DCC: variants seen among roughly 807,000 people sequenced by gnomAD.
The protein encoded by DCC is DCC netrin 1 receptor, also known as netrin receptor DCC.
Under a neutral mutation model 172.5 loss-of-function variants are expected in DCC, and 58 were observed. The observed-to-expected ratio is 0.34, with a 90% CI of 0.27 to 0.42. DCC has a LOEUF of 0.42. DCC is among the 10% of genes least tolerant of loss of function. The pLI is 1.00. For missense variants in DCC, 1,740 were observed against 1,791.0 expected (o/e 0.97, Z 0.51); for synonymous variants, 709 against 644.5 (o/e 1.10, Z -1.52).
intron 27 of DCC, among the ~76,000 whole-genome samples, chr18:53,512,069 A>G (rs1238585819): frequency 1.3e-5 from 2 of 152,152 alleles, no homozygotes; most frequent in African/African-American, 4.8e-5. Context: ...CCTGTCTGAC[A>G]GCTTTGAAGA....
intron 1 of DCC, among the ~76,000 whole-genome samples, chr18:52,630,439 G>A (rs1190696789): frequency 1.3e-5 from 2 of 152,166 alleles, no homozygotes; most frequent in Non-Finnish European, 2.9e-5. Context: ...CTGAGTGTCT[G>A]TTTCCTTATT....
chr18:52,343,870 G>A (rs548023637), intron 1 of DCC, among the ~76,000 whole-genome samples: 31 of 152,274 alleles, frequency 2.0e-4, no homozygotes, highest in Admixed American at 9.2e-4. Flanking sequence ...TTTGAGTGGC[G>A]GGAGTATGGC....
intron 25 of DCC, among the ~76,000 whole-genome samples, chr18:53,474,621 C>T (rs1214577842): frequency 2.6e-5 from 4 of 152,198 alleles, no homozygotes; most frequent in Non-Finnish European, 4.4e-5. Flanking sequence ...TGAGACGTGC[C>T]TTTCACCTTC....
Position 52,354,252 on chromosome 18 carries a change from T to C in DCC, c.91+13374T>C, listed in dbSNP as rs183057635. Among the ~76,000 whole-genome samples the C allele has an allele frequency of 2.7e-3, 409 of 152,256 alleles. 4 individuals are homozygous for C. The highest frequency in any genetic ancestry group is 8.5e-3 in the South Asian group (41 of 4,814). ...GAATAGTTTGTCACTCCTAATTTGG[T>C]ACCTATGATGGGGAGGGGAGTAGAA... On this transcript the variant is annotated intron_variant, in intron 1 of 28. Coordinates refer to ENST00000442544, the MANE Select transcript of DCC (RefSeq NM_005215.4).
chr18:53,397,678 T>C (rs760266306), intron 18 of DCC, among the ~76,000 whole-genome samples: 17 of 152,230 alleles, frequency 1.1e-4, no homozygotes, highest in Non-Finnish European at 2.2e-4. Context: ...ACACGGTTTC[T>C]TCAGGGTGTT....
intron 7 of DCC, among the ~76,000 whole-genome samples, chr18:53,139,403 C>A (rs930059372): frequency 1.3e-5 from 2 of 152,050 alleles, no homozygotes; most frequent in Non-Finnish European, 1.5e-5. Context: ...GAAATAGGGT[C>A]AAAGGAAGGA....
chr18:52,390,150 C>T (rs1202630039), intron 1 of DCC, among the ~76,000 whole-genome samples: 3 of 152,102 alleles, frequency 2.0e-5, no homozygotes, highest in African/African-American at 7.2e-5. Context: ...ACATTCTTCC[C>T]TCTATGAGGA....
chr18:52,932,562 A>G (rs1164773805), intron 5 of DCC, among the ~76,000 whole-genome samples: 1 of 152,140 alleles, frequency 6.6e-6, no homozygotes, highest in Non-Finnish European at 1.5e-5. Context: ...AAATAAAAAT[A>G]TCTTTGAACT....
intron 3 of DCC, among the ~76,000 whole-genome samples, chr18:52,914,680 T>G (rs2145467411): frequency 6.6e-6 from 1 of 152,084 alleles, no homozygotes; most frequent in Middle Eastern, 3.4e-3. Flanking sequence ...TTCATGGAAT[T>G]TTTCACTCAG....
intron 8 of DCC, among the ~76,000 whole-genome samples, chr18:53,167,163 A>G (rs1480539561): frequency 1.3e-5 from 2 of 152,218 alleles, no homozygotes. Context: ...TTTGTTGCTC[A>G]ACTCACAAGT....
intron 5 of DCC, among the ~76,000 whole-genome samples, chr18:53,050,148 CCTT>C (rs1220077961): frequency 6.6e-6 from 1 of 152,106 alleles, no homozygotes; most frequent in Non-Finnish European, 1.5e-5. Context: ...GCTTCTTCCA[CCTT>C]CTTCTGCCTG....
chr18:53,356,958 C>A (rs1429868991), intron 15 of DCC, among the ~76,000 whole-genome samples: 1 of 152,118 alleles, frequency 6.6e-6, no homozygotes, highest in Non-Finnish European at 1.5e-5. Flanking sequence ...TATTTTTCTT[C>A]TCTTAGAAGT....
intron 2 of DCC, among the ~76,000 whole-genome samples, chr18:52,862,175 A>T (rs2039153969): frequency 2.6e-5 from 4 of 152,180 alleles, no homozygotes; most frequent in Admixed American, 2.0e-4. Flanking sequence ...TACATACCAG[A>T]TAAACCTCGT....
intron 1 of DCC, among the ~76,000 whole-genome samples, chr18:52,434,398 G>C (rs754756816): frequency 1.3e-5 from 2 of 152,102 alleles, no homozygotes; most frequent in Non-Finnish European, 2.9e-5. Flanking sequence ...GGCCCAAAAT[G>C]CTAAGAGTGC....
At chr18:52,724,429 G>A (rs1274761453) in intron 1 of DCC, among the ~76,000 whole-genome samples, 2 of 152,114 alleles carry the variant, frequency 1.3e-5, no homozygotes, top group African/African-American at 4.8e-5. Context: ...GATTACAGGT[G>A]TGAGTCATTG....
At chr18:52,992,290 T>G (rs925923768) in intron 5 of DCC, among the ~76,000 whole-genome samples, 4 of 152,184 alleles carry the variant, frequency 2.6e-5, no homozygotes, top group Admixed American at 2.0e-4. Flanking sequence ...ATAAGCAGAA[T>G]TAAATGCAAT....
intron 5 of DCC, among the ~76,000 whole-genome samples, chr18:53,032,389 G>C (rs890623258): frequency 6.6e-6 from 1 of 152,088 alleles, no homozygotes; most frequent in African/African-American, 2.4e-5. Context: ...CTCTTTGCAT[G>C]GAATACAGAA....
chr18:53,040,855 C>G (rs777916604), intron 5 of DCC, among the ~76,000 whole-genome samples: 79 of 151,712 alleles, frequency 5.2e-4, no homozygotes, highest in Non-Finnish European at 1.0e-3. Context: ...TGAGACAGGT[C>G]AGGATTGAAT....
intron 28 of DCC, among the ~76,000 whole-genome samples, chr18:53,528,354 AG>A (rs1444784402): frequency 6.6e-6 from 1 of 152,170 alleles, no homozygotes. Context: ...CAAATTTATA[AG>A]ACTCTAATGC....
Sources: allele counts gnomAD v4.1 joint callset (sites outside exome capture counted in the v4.1 genomes callset), GRCh38; gene constraint gnomAD v4.1.1; transcripts MANE v1.5; gene names NCBI Gene and HGNC (gene_info 2026-07-23, HGNC 2026-07-21).